Variants in CLEC2L observed in about 807,000 individuals in gnomAD.
The protein encoded by CLEC2L is C-type lectin domain family 2, member L.
In CLEC2L, 14 loss-of-function variants were observed where a neutral mutation model predicts 23.6. The observed-to-expected ratio is 0.59, with a 90% CI of 0.39 to 0.93. CLEC2L has a LOEUF of 0.93. Among genes scored for constraint, CLEC2L ranks in the 40% least tolerant of loss-of-function variants. CLEC2L has a pLI of 0.00. For synonymous variants in CLEC2L, 114 were observed against 121.3 expected (o/e 0.94, Z 0.40); for missense variants, 264 against 282.4 (o/e 0.93, Z 0.47).
intron 1 of CLEC2L, among the ~76,000 whole-genome samples, chr7:139,529,757 C>T (rs1188718045): frequency 6.6e-6 from 1 of 152,142 alleles, no homozygotes; most frequent in Non-Finnish European, 1.5e-5. Flanking sequence ...TTTTTTCCTT[C>T]AGAAGCCCAC....
At chr7:139,543,152 C>T (rs1378623910) in intron 4 of CLEC2L, among the ~76,000 whole-genome samples, 1 of 152,140 alleles carries the variant, frequency 6.6e-6, no homozygotes, top group African/African-American at 2.4e-5. Flanking sequence ...CCATGGCAGC[C>T]CTGGAGGCAG....
intron 1 of CLEC2L, among the ~76,000 whole-genome samples, chr7:139,524,697 C>G (rs1797481644): frequency 6.6e-6 from 1 of 152,158 alleles, no homozygotes; most frequent in African/African-American, 2.4e-5. Flanking sequence ...GCCTCCGGGG[C>G]AGTAACCCAA....
rs569875339 is a variant in CLEC2L at position 139,536,433 on chromosome 7, A to T, written c.265+85A>T. 6 of 1,160,354 alleles carry T rather than the reference A, an allele frequency of 5.2e-6. No homozygotes were observed. The Admixed American group carries it at 1.1e-4, about 21-fold the overall frequency. 71.9% of individuals were successfully genotyped at this position (1,160,354 alleles called of 1,614,324 possible). A position where few individuals can be genotyped will look rare whatever the true frequency, so the allele number is the denominator to read the frequency against. ...GTCTAATTAGTTAAAGAAAGATTCT[A>T]GACATTCCAAGAATCCTGTGGGGGA... On this transcript the variant is annotated intron_variant, in intron 2 of 4. Coordinates refer to ENST00000422142, the MANE Select transcript of CLEC2L (RefSeq NM_001080511.4).
chr7:139,537,730 C>T (rs1054216116), intron 2 of CLEC2L, among the ~76,000 whole-genome samples: 10 of 152,124 alleles, frequency 6.6e-5, no homozygotes, highest in Non-Finnish European at 1.0e-4. Context: ...GAATTGCCTT[C>T]GGCTTAAAAT....
At chr7:139,542,427 C>T (rs745443537) in intron 4 of CLEC2L, among the ~76,000 whole-genome samples, 8 of 152,214 alleles carry the variant, frequency 5.3e-5, no homozygotes, top group Non-Finnish European at 1.0e-4. Context: ...GTCGGCTCCA[C>T]TCAGTGTGGC....
chr7:139,536,837 T>C (rs957290559), intron 2 of CLEC2L, among the ~76,000 whole-genome samples: 1 of 151,698 alleles, frequency 6.6e-6, no homozygotes, highest in African/African-American at 2.4e-5. Flanking sequence ...TAGCCAGGTG[T>C]GGTGGTGGGT....
intron 1 of CLEC2L, among the ~76,000 whole-genome samples, chr7:139,532,089 T>A (rs1797590547): frequency 6.6e-6 from 1 of 152,110 alleles, no homozygotes; most frequent in Non-Finnish European, 1.5e-5. Context: ...AGAAAATAAT[T>A]AAGCAGTTGA....
At chr7:139,530,888 A>G (rs1245377788) in intron 1 of CLEC2L, among the ~76,000 whole-genome samples, 1 of 151,702 alleles carries the variant, frequency 6.6e-6, no homozygotes, top group Non-Finnish European at 1.5e-5. Context: ...GCCAACATTT[A>G]CATACTGAAT....
chr7:139,531,428 G>A (rs542345172), intron 1 of CLEC2L, among the ~76,000 whole-genome samples: 13 of 152,056 alleles, frequency 8.5e-5, no homozygotes, highest in Non-Finnish European at 1.6e-4. Flanking sequence ...TCAGTAGAAG[G>A]GTAGGATGAT....
intron 1 of CLEC2L, among the ~76,000 whole-genome samples, chr7:139,527,629 G>C (rs1419277641): frequency 6.6e-6 from 1 of 152,176 alleles, no homozygotes; most frequent in African/African-American, 2.4e-5. Flanking sequence ...GGGAACAAGA[G>C]AAGTGATTCG....
At position 139,544,274 on chromosome 7, in the gene CLEC2L, A is replaced by G; in HGVS notation, c.577A>G (p.Thr193Ala). 6.2e-7 allele frequency: 1 copy of G among 1,613,562 alleles called. No homozygotes were observed. Among genetic ancestry groups the G allele is most frequent in the Non-Finnish European group, 8.5e-7 (1 of 1,179,728 alleles). Residue 193 changes from threonine (T) to alanine (A), a missense_variant, in exon 5 of 5, where the codon ACC becomes GCC. Physicochemically the swap from Thr to Ala is moderately conservative, Grantham distance 58. Coordinates refer to ENST00000422142, the MANE Select transcript of CLEC2L (RefSeq NM_001080511.4). The stretch of plus-strand genomic sequence containing the variant: ...AGGGGAGTGTGTCTTCGTGGAGCCC[A>G]CCAGGCTGGTGTCGACGGAGTGTCT... The part of the protein sequence containing the change: ...GPGECVFVEP[T>A]RLVSTECLMT...
intron 1 of CLEC2L, among the ~76,000 whole-genome samples, chr7:139,526,503 A>C (rs565356389): frequency 6.6e-6 from 1 of 152,220 alleles, no homozygotes; most frequent in Admixed American, 6.5e-5. Flanking sequence ...TCCATCATGC[A>C]TTCATTCTTT....
intron 4 of CLEC2L, among the ~76,000 whole-genome samples, chr7:139,542,837 G>C (rs1797756671): frequency 6.6e-6 from 1 of 152,156 alleles, no homozygotes; most frequent in African/African-American, 2.4e-5. Context: ...TGGCAGTACA[G>C]TGGTGACTGT....
chr7:139,541,120 T>C (rs1311391924), intron 3 of CLEC2L, among the ~76,000 whole-genome samples: 1 of 152,110 alleles, frequency 6.6e-6, no homozygotes, highest in East Asian at 1.9e-4. Context: ...ATGATTCTCG[T>C]ACCTCATCCT....
rs1029720794 is a variant in CLEC2L, at chr7:139,524,039, GC to G, written c.115del (p.Arg39AlafsTer46). ...GCCGCGTTCGCCCGCAGAGGCTGAG[GC>G]CCGCGGCCCCGAGGGGCTGCTGCGG... ...PRPRSPAEAE[A>X]RGPEGLLRRS... On this transcript the variant is annotated frameshift_variant, in exon 1 of 5. Transcript: ENST00000422142. LOFTEE classifies it high-confidence loss of function. The G allele has an allele frequency of 5.0e-6, 6 of 1,198,638 alleles. No individual in the cohort carries two copies. The highest frequency in any genetic ancestry group is 1.6e-5 in the African/African-American group (1 of 62,990). 74.3% of individuals were successfully genotyped at this position (1,198,638 alleles called of 1,614,324 possible). A position where few individuals can be genotyped will look rare whatever the true frequency, so the allele number is the denominator to read the frequency against.
intron 4 of CLEC2L, among the ~76,000 whole-genome samples, chr7:139,542,592 T>C (rs1797752205): frequency 6.6e-6 from 1 of 152,234 alleles, no homozygotes; most frequent in Admixed American, 6.5e-5. Context: ...TCGTGCCACC[T>C]AAGCACTGTA....
chr7:139,531,017 G>A (rs1453500389), intron 1 of CLEC2L, among the ~76,000 whole-genome samples: 1 of 152,054 alleles, frequency 6.6e-6, no homozygotes, highest in Non-Finnish European at 1.5e-5. Flanking sequence ...AATGAAATTA[G>A]CATTCAGAGA....
Position 139,540,482 on chromosome 7 carries a change from G to T in CLEC2L, c.427G>T (p.Glu143Ter). The T allele has an allele frequency of 6.3e-7, 1 of 1,588,238 alleles. No homozygotes were observed. The highest frequency in any genetic ancestry group is 1.1e-5 in the South Asian group (1 of 86,962). ...AVLAVIQSQK[E>*]LEFMFKFTRR... ...GCTGGCTGTGATTCAGAGCCAGAAG[G>T]AGCTGGTGAGTGTGCCAAGGTGAAG... Residue 143 changes from glutamate to a stop codon, truncating the protein, a stop_gained, in exon 3 of 5, where the codon GAG becomes TAG. Transcript: ENST00000422142. LOFTEE classifies it high-confidence loss of function. This position sits in a 1 kb window ranked among gnomAD's most constrained non-coding sequence, Gnocchi z 5.8.
In CLEC2L at chr7:139,540,600, C is replaced by T; in HGVS notation, c.432+113C>T. The stretch of plus-strand genomic sequence containing the variant: ...TGCAGTGTTCCCTGTGACACGTCTC[C>T]AAAGCCGCCCACCTGCTGCATAACC... On this transcript the variant is annotated intron_variant, in intron 3 of 4. Coordinates refer to ENST00000422142, the MANE Select transcript of CLEC2L (RefSeq NM_001080511.4). The surrounding 1 kb of genome is among the most constrained non-coding windows in gnomAD (Gnocchi z 5.8). 1 of 1,247,032 alleles carries T rather than the reference C, an allele frequency of 8.0e-7. No individual in the cohort carries two copies. Among genetic ancestry groups the T allele is most frequent in the Non-Finnish European group, 1.1e-6 (1 of 883,660 alleles). 77.2% of individuals were successfully genotyped at this position (1,247,032 alleles called of 1,614,324 possible).
Sources: gnomAD v4.1 joint callset for allele counts (sites outside exome capture counted in the v4.1 genomes callset) on GRCh38, gnomAD v4.1.1 for gene constraint, Gnocchi (gnomAD v3.1) non-coding constraint, MANE v1.5 for transcripts, NCBI Gene and HGNC (gene_info 2026-07-23, HGNC 2026-07-21) for gene names.